The following STAT3 variants were observed in gnomAD, a reference collection of about 807,000 sequenced individuals.
STAT3 encodes the protein signal transducer and activator of transcription 3.
In STAT3, 7 loss-of-function variants were observed where a neutral mutation model predicts 114.3. The observed-to-expected ratio is 0.06, with a 90% confidence interval of 0.03 to 0.11. The LOEUF is 0.11. Among genes scored for constraint, STAT3 ranks in the 10% least tolerant of loss-of-function variants. The pLI is 1.00. For missense variants in STAT3, 364 were observed against 960.9 expected (o/e 0.38, Z 8.21); for synonymous variants, 331 against 354.5 (o/e 0.93, Z 0.74).
intron 1 of STAT3, among the ~76,000 whole-genome samples, chr17:42,352,651 C>CAAA (rs766577639): frequency 1.3e-5 from 1 of 78,908 alleles, no homozygotes; most frequent in African/African-American, 4.8e-5. Flanking sequence ...GACTCTGTCT[C>CAAA]AAAAAAAAAA....
intron 1 of STAT3, among the ~76,000 whole-genome samples, chr17:42,356,537 A>ATTTT (rs1364131230): frequency 4.9e-5 from 6 of 122,678 alleles, no homozygotes; most frequent in African/African-American, 2.1e-4. Flanking sequence ...ATATATATAT[A>ATTTT]TATTTTTTTT....
In STAT3 at chr17:42,333,827, A is replaced by C; in HGVS notation, c.957-62T>G. Reference sequence around the variant, plus strand: ...ATGACCAGAAGTCAGCCCGCCTCTCACTCTACCACGTGAGTCTTTAGGTAT... The same window carrying C: ...ATGACCAGAAGTCAGCCCGCCTCTCCCTCTACCACGTGAGTCTTTAGGTAT... On this transcript the variant is annotated intron_variant, in intron 9 of 23. Transcript: ENST00000264657. The surrounding 1 kb of genome is among the most constrained non-coding windows in gnomAD (Gnocchi z 5.2). 6.2e-7 allele frequency: 1 copy of C among 1,613,962 alleles called. No individual in the cohort carries two copies. Among genetic ancestry groups the C allele is most frequent in the Non-Finnish European group, 8.5e-7 (1 of 1,179,956 alleles).
chr17:42,327,883 T>A (rs1162116211), intron 14 of STAT3, among the ~76,000 whole-genome samples: 1 of 151,928 alleles, frequency 6.6e-6, no homozygotes, highest in Non-Finnish European at 1.5e-5. Flanking sequence ...CTGTCTCTAC[T>A]AAAAATGCAA....
At chr17:42,344,145 A>G (rs17886724) in intron 4 of STAT3, among the ~76,000 whole-genome samples, 53,636 of 152,066 alleles carry the variant, frequency 0.35, 9,688 homozygotes, top group South Asian at 0.46. Flanking sequence ...TAATTAAGCC[A>G]GGTGCGGTTG....
intron 4 of STAT3, among the ~76,000 whole-genome samples, chr17:42,342,790 G>A (rs532920725): frequency 6.6e-6 from 1 of 152,130 alleles, no homozygotes; most frequent in Admixed American, 6.6e-5. Context: ...CCACTGTTAG[G>A]CATGACTAAT....
chr17:42,357,261 T>C (rs2083272491), intron 1 of STAT3, among the ~76,000 whole-genome samples: 1 of 152,094 alleles, frequency 6.6e-6, no homozygotes, highest in African/African-American at 2.4e-5. Context: ...TATCTGCAAG[T>C]AGATTAGGAA....
chr17:42,383,870 T>C (rs1448520565), intron 1 of STAT3, among the ~76,000 whole-genome samples: 2 of 152,112 alleles, frequency 1.3e-5, no homozygotes, highest in Non-Finnish European at 2.9e-5. Flanking sequence ...CAATCAAAAA[T>C]CCTCAAAAAA....
chr17:42,353,219 A>G (rs2083055201), intron 1 of STAT3, among the ~76,000 whole-genome samples: 1 of 151,944 alleles, frequency 6.6e-6, no homozygotes, highest in African/African-American at 2.4e-5. Flanking sequence ...ATGGTGGCAC[A>G]TGCCTGTAGT....
chr17:42,346,563 T>A lies in STAT3; in HGVS notation c.273+6A>T. On this transcript the variant is annotated splice_donor_region_variant and intron_variant, in intron 3 of 23. Coordinates refer to ENST00000264657, the MANE Select transcript of STAT3 (RefSeq NM_139276.3). ...GTTTCTCCTTGTCCTCAGTTTCTCA[T>A]CATACCTGAAGAAACTGCTTGATTC... is the stretch of plus-strand genomic sequence containing the variant. 5 of 1,614,108 alleles carry A rather than the reference T, an allele frequency of 3.1e-6. No individual in the cohort carries two copies. The highest frequency in any genetic ancestry group is 1.1e-5 in the South Asian group (1 of 91,086).
Position 42,315,398 on chromosome 17 carries a change from A to G in STAT3, c.*347T>C, listed in dbSNP as rs1373145660. 1 of 463,868 alleles carries G rather than the reference A, an allele frequency of 2.2e-6. No homozygotes were observed. Among genetic ancestry groups the G allele is most frequent in the Non-Finnish European group, 4.0e-6 (1 of 251,982 alleles). The allele number at this position is 463,868 out of a possible 1,614,324, so 28.7% of individuals were successfully genotyped here. On this transcript the variant is annotated 3_prime_UTR_variant, in exon 24 of 24. Transcript: ENST00000264657. ...CAGGAGGCACTTGTCTAAGAACAAC[A>G]ACAACAATAACAAAAAGCTGCTGAG...
intron 4 of STAT3, among the ~76,000 whole-genome samples, chr17:42,342,428 G>A (rs865942849): frequency 2.3e-4 from 35 of 151,982 alleles, no homozygotes; most frequent in South Asian, 6.2e-4. Context: ...GGTTGCAGTG[G>A]GCCGAAATCG....
intron 1 of STAT3, among the ~76,000 whole-genome samples, chr17:42,384,447 G>C (rs942840241): frequency 2.6e-5 from 4 of 151,506 alleles, no homozygotes; most frequent in African/African-American, 9.7e-5. Context: ...AGTTTTAAAA[G>C]CTTCCCCTAC....
intron 1 of STAT3, among the ~76,000 whole-genome samples, chr17:42,369,220 T>C (rs1040337176): frequency 5.3e-5 from 8 of 152,100 alleles, no homozygotes; most frequent in Admixed American, 4.6e-4. Flanking sequence ...TAGCCAGGCA[T>C]GGTGGAGGGC....
At chr17:42,356,850 C>A (rs962548397) in intron 1 of STAT3, among the ~76,000 whole-genome samples, 1 of 152,034 alleles carries the variant, frequency 6.6e-6, no homozygotes, top group Non-Finnish European at 1.5e-5. Context: ...TGCAGTGGCA[C>A]CATCTCAGCT....
intron 1 of STAT3, among the ~76,000 whole-genome samples, chr17:42,357,470 G>A (rs111841321): frequency 7.9e-5 from 12 of 151,988 alleles, no homozygotes; most frequent in African/African-American, 1.9e-4. Context: ...TCAGGAGTTC[G>A]AGACCAGCCA....
intron 21 of STAT3, among the ~76,000 whole-genome samples, chr17:42,321,143 A>G: frequency 7.5e-6 from 1 of 133,736 alleles, no homozygotes. Context: ...TTGGTGAGTC[A>G]AGGTCTTGCT....
chr17:42,364,775 G>A (rs752984571), intron 1 of STAT3, among the ~76,000 whole-genome samples: 2 of 152,142 alleles, frequency 1.3e-5, no homozygotes, highest in African/African-American at 2.4e-5. Context: ...GAGCCACTGC[G>A]CCTGGCCAAG....
chr17:42,351,055 CAGG>C (rs2082924530), intron 1 of STAT3, among the ~76,000 whole-genome samples: 1 of 148,060 alleles, frequency 6.8e-6, no homozygotes, highest in South Asian at 2.1e-4. Context: ...CGCTTGAACC[CAGG>C]AGGAGGAGGT....
At chr17:42,346,792 A>G in intron 2 of STAT3, 79 bp from the exon 3 acceptor site, 1 of 1,607,098 alleles carries the variant, frequency 6.2e-7, no homozygotes, top group Non-Finnish European at 8.5e-7. Flanking sequence ...ATCAAGAAAG[A>G]GGAAAAAAAC....
Sources: allele counts gnomAD v4.1 joint callset (sites outside exome capture counted in the v4.1 genomes callset), GRCh38; gene constraint gnomAD v4.1.1; non-coding constraint Gnocchi (gnomAD v3.1); transcripts MANE v1.5; gene names NCBI Gene and HGNC (gene_info 2026-07-23, HGNC 2026-07-21).